The following COL4A1 variants were observed in gnomAD, a reference collection of about 807,000 sequenced individuals.
COL4A1 encodes the protein collagen type IV alpha 1 chain, also known as collagen alpha-1(IV) chain.
In COL4A1, 40 loss-of-function variants were observed where a neutral mutation model predicts 216.6. That is an observed-to-expected ratio of 0.18 (90% confidence interval 0.14 to 0.24). The LOEUF is 0.24. Among genes scored for constraint, COL4A1 ranks in the 10% least tolerant of loss-of-function variants. The pLI is 1.00. For missense variants in COL4A1, 1,628 were observed against 2,196.8 expected, an observed-to-expected ratio of 0.74 and a Z score of 5.18; for synonymous variants, 839 against 810.7, an observed-to-expected ratio of 1.03 and a Z score of -0.59.
At chr13:110,303,245 T>A (rs531064280) in intron 1 of COL4A1, among the ~76,000 whole-genome samples, 1 of 152,232 alleles carries the variant, frequency 6.6e-6, no homozygotes, top group Admixed American at 6.5e-5. Context: ...CTAAAGGCAC[T>A]CCTGACTAGA....
At chr13:110,194,351 A>G (rs1472550575) in intron 22 of COL4A1, among the ~76,000 whole-genome samples, 3 of 152,194 alleles carry the variant, frequency 2.0e-5, no homozygotes, top group African/African-American at 7.2e-5. Flanking sequence ...ACAGCCTCCT[A>G]TTTGTCCTAC....
intron 1 of COL4A1, among the ~76,000 whole-genome samples, chr13:110,263,807 A>G (rs1486598834): frequency 6.6e-6 from 1 of 152,244 alleles, no homozygotes; most frequent in Non-Finnish European, 1.5e-5. Flanking sequence ...AGGGCTCTCA[A>G]ATAAACTTTA....
intron 1 of COL4A1, among the ~76,000 whole-genome samples, chr13:110,243,391 C>T (rs918909107): frequency 6.6e-6 from 1 of 151,924 alleles, no homozygotes; most frequent in African/African-American, 2.4e-5. Flanking sequence ...GATCTTGGCA[C>T]ACTGCAACCT....
intron 1 of COL4A1, among the ~76,000 whole-genome samples, chr13:110,256,017 C>T (rs1882546366): frequency 6.6e-6 from 1 of 152,110 alleles, no homozygotes; most frequent in Non-Finnish European, 1.5e-5. Context: ...GGTAATTCTA[C>T]TGTCAATTAG....
At chr13:110,205,622 G>A (rs1174078486) in intron 15 of COL4A1, 84 bp from the exon 16 acceptor site, 3 of 1,472,590 alleles carry the variant, frequency 2.0e-6, no homozygotes, top group Non-Finnish European at 2.8e-6. Flanking sequence ...CAGCACTTTG[G>A]GAGGCCGAGG....
chr13:110,280,499 G>A (rs893782619), intron 1 of COL4A1, among the ~76,000 whole-genome samples: 1 of 152,208 alleles, frequency 6.6e-6, no homozygotes, highest in Admixed American at 6.5e-5. Context: ...TGTATTACAA[G>A]AGAAAGTATT....
chr13:110,241,163 C>T (rs1257418255), intron 2 of COL4A1, among the ~76,000 whole-genome samples: 1 of 152,170 alleles, frequency 6.6e-6, no homozygotes, highest in East Asian at 1.9e-4. Context: ...ACCCACCATG[C>T]CTGGCCTAAA....
chr13:110,247,366 C>T (rs1881864882), intron 1 of COL4A1, among the ~76,000 whole-genome samples: 1 of 152,082 alleles, frequency 6.6e-6, no homozygotes, highest in African/African-American at 2.4e-5. Context: ...GAAAGGAATG[C>T]AAAAGGTACT....
chr13:110,301,871 C>T (rs918115042), intron 1 of COL4A1, among the ~76,000 whole-genome samples: 1 of 152,142 alleles, frequency 6.6e-6, no homozygotes, highest in Non-Finnish European at 1.5e-5. Flanking sequence ...AATGCACAGC[C>T]AAGCCAAAAA....
intron 46 of COL4A1, 79 bp downstream of exon 46, chr13:110,164,783 G>A: frequency 6.4e-7 from 1 of 1,558,552 alleles, no homozygotes. Flanking sequence ...ACTTATTTTA[G>A]ATACATGGGT....
chr13:110,178,973 G>C lies in COL4A1; in HGVS notation c.2408C>G (p.Pro803Arg). The part of the protein sequence containing the change: ...VGSPGVPGIG[P>R]PGARGPPGGQ... ...TCCAGGGGGACCCCTAGCTCCAGGGGGGCCTATTCCTGGAACTCCTGGAGA... is the reference window on the plus strand; with the variant it reads ...TCCAGGGGGACCCCTAGCTCCAGGGCGGCCTATTCCTGGAACTCCTGGAGA... The change falls in exon 31 of 52, where the codon CCC becomes CGC. Residue 803 changes from proline to arginine, a missense_variant. Physicochemically the swap from Pro to Arg is moderately radical, Grantham distance 103 (BLOSUM62 -2). Around this residue, in one of 8 missense-constraint regions of COL4A1, gnomAD observed 701 missense variants for 892.5 expected, o/e 0.79. Transcript: ENST00000375820. 6.2e-7 allele frequency: 1 copy of C among 1,612,506 alleles called. No individual in the cohort carries two copies. The highest frequency in any genetic ancestry group is 8.5e-7 in the Non-Finnish European group (1 of 1,179,766).
At chr13:110,253,664 T>C (rs1412073583) in intron 1 of COL4A1, among the ~76,000 whole-genome samples, 1 of 143,192 alleles carries the variant, frequency 7.0e-6, no homozygotes, top group Non-Finnish European at 1.5e-5. Flanking sequence ...CGTATAATTA[T>C]ATGTGTATGT....
rs780642899 is a variant in COL4A1 at position 110,212,484 on chromosome 13, A to G, written c.325-5T>C. ...GCCGTCTTGGCCAGGAATTCCCTGC[A>G]ATGAAGAAAGTGAAAATGTAACCCA... On this transcript the variant is annotated splice_region_variant and splice_polypyrimidine_tract_variant and intron_variant, in intron 5 of 51. Transcript: ENST00000375820. 1.9e-6 allele frequency: 3 copies of G among 1,614,116 alleles called. No homozygotes were observed. The African/African-American group carries it at 4.0e-5, about 22-fold the overall frequency.
At chr13:110,175,135 C>T in intron 37 of COL4A1, 83 bp downstream of exon 37, 1 of 1,549,352 alleles carries the variant, frequency 6.5e-7, no homozygotes, top group Non-Finnish European at 8.9e-7. Context: ...ATTGAGTGTG[C>T]TGAGATATTT....
At chr13:110,188,733 G>C (rs1878504673) in intron 24 of COL4A1, among the ~76,000 whole-genome samples, 1 of 152,218 alleles carries the variant, frequency 6.6e-6, no homozygotes, top group Non-Finnish European at 1.5e-5. Flanking sequence ...TCTGTGTCCT[G>C]CTCAAAGTCA....
chr13:110,169,869 C>A (rs1482339060), intron 42 of COL4A1, 107 bp from the exon 43 acceptor site: 1 of 1,372,266 alleles, frequency 7.3e-7, no homozygotes, highest in Non-Finnish European at 9.8e-7. Flanking sequence ...TGATACAACA[C>A]TGGACCAACA....
chr13:110,234,926 T>C (rs1442695763), intron 2 of COL4A1, among the ~76,000 whole-genome samples: 1 of 152,214 alleles, frequency 6.6e-6, no homozygotes, highest in East Asian at 1.9e-4. Context: ...AAATTAGTAA[T>C]CTCAAATATG....
Position 110,252,213 on chromosome 13 carries a change from G to C in COL4A1, c.85-9479C>G, listed in dbSNP as rs1355614080. Among the ~76,000 whole-genome samples the C allele has an allele frequency of 2.0e-5, 3 of 151,722 alleles. No homozygotes were observed. The East Asian group carries it at 5.9e-4, about 30-fold the overall frequency. The stretch of plus-strand genomic sequence containing the variant: ...TGATTTTTCTATTTTTAGTAGAGAC[G>C]TGGTTTCACCATGTTGGCCAGGCTG... On this transcript the variant is annotated intron_variant, in intron 1 of 51. Transcript: ENST00000375820.
rs1017993542 is a variant in COL4A1, at chr13:110,154,105, C to T, written c.4755+1178G>A. 3.9e-5 allele frequency among the ~76,000 whole-genome samples: 6 copies of T among 152,216 alleles called. No individual in the cohort carries two copies. The East Asian group carries it at 1.2e-3, about 29-fold the overall frequency. On this transcript the variant is annotated intron_variant, in intron 50 of 51. Transcript: ENST00000375820. ...CAATCAGATAATAAATAATGTTCAT[C>T]TGTGGGTCAAATGTACAACTTGCCC...
Sources: gnomAD v4.1 joint callset for allele counts (sites outside exome capture counted in the v4.1 genomes callset) on GRCh38, gnomAD v4.1.1 for gene constraint, gnomAD v4.1.1 regional missense constraint, MANE v1.5 for transcripts, NCBI Gene and HGNC (gene_info 2026-07-23, HGNC 2026-07-21) for gene names.